The following CNKSR2 variants were observed in gnomAD, a reference collection of about 807,000 sequenced individuals.
CNKSR2 encodes CNK homolog protein 2.
A neutral mutation model predicts 84.4 loss-of-function variants in CNKSR2; 14 were observed. The observed-to-expected ratio is 0.17, with a 90% CI of 0.11 to 0.26. The LOEUF is 0.26. Among genes scored for constraint, CNKSR2 ranks in the 10% least tolerant of loss-of-function variants. The probability of loss-of-function intolerance (pLI) is 1.00; values close to 1 mark genes in which losing one functional copy is unlikely to be tolerated. For missense variants in CNKSR2, 485 were observed against 771.2 expected (o/e 0.63, Z 4.40); for synonymous variants, 275 against 277.9 (o/e 0.99, Z 0.10).
chrX:21,476,404 T>C (rs2091261202), intron 5 of CNKSR2, among the ~76,000 whole-genome samples: 1 of 111,714 alleles, frequency 9.0e-6, no homozygotes, highest in East Asian at 2.8e-4. Context: ...TATAAAAGTA[T>C]GTATTTATTA....
At chrX:21,482,495 T>TGTA (rs1246909136) in intron 5 of CNKSR2, among the ~76,000 whole-genome samples, 1 of 112,434 alleles carries the variant, frequency 8.9e-6, no homozygotes, top group Admixed American at 9.5e-5. Flanking sequence ...ATTAGAAGCT[T>TGTA]GTAGTAACAG....
intron 1 of CNKSR2, among the ~76,000 whole-genome samples, chrX:21,386,375 C>G (rs1334231804): frequency 9.0e-6 from 1 of 111,456 alleles, no homozygotes; most frequent in Non-Finnish European, 1.9e-5. Context: ...TAGTGAATCA[C>G]GAAAGCAATT....
intron 17 of CNKSR2, among the ~76,000 whole-genome samples, chrX:21,598,334 C>T (rs2092461831): frequency 9.0e-6 from 1 of 110,922 alleles, no homozygotes; most frequent in African/African-American, 3.3e-5. Flanking sequence ...CATGTCAGTA[C>T]ACATGTTCTT....
chrX:21,577,951 T>G (rs899559790), intron 13 of CNKSR2, among the ~76,000 whole-genome samples: 1 of 111,400 alleles, frequency 9.0e-6, no homozygotes, highest in Non-Finnish European at 1.9e-5. Context: ...TACTGTTAGA[T>G]TCTAGTTTTT....
intron 17 of CNKSR2, among the ~76,000 whole-genome samples, chrX:21,599,405 A>G: frequency 9.8e-6 from 1 of 102,454 alleles, no homozygotes; most frequent in Admixed American, 1.1e-4. Flanking sequence ...TCGCTCTGTC[A>G]CCCAGGCTGG....
intron 13 of CNKSR2, among the ~76,000 whole-genome samples, chrX:21,589,817 G>T (rs1296262763): frequency 2.7e-5 from 3 of 111,618 alleles, no homozygotes; most frequent in Non-Finnish European, 3.8e-5. Flanking sequence ...AGGAAAGAAA[G>T]AAATACAGGC....
At chrX:21,567,991 C>G (rs761773337) in intron 13 of CNKSR2, among the ~76,000 whole-genome samples, 2 of 112,071 alleles carry the variant, frequency 1.8e-5, no homozygotes, top group Admixed American at 1.9e-4. Context: ...AATTCATATA[C>G]AAAATAATTA....
chrX:21,397,178 C>T (rs2090132453), intron 1 of CNKSR2, among the ~76,000 whole-genome samples: 2 of 111,444 alleles, frequency 1.8e-5, no homozygotes, highest in East Asian at 2.8e-4. Context: ...AGATTGTTAA[C>T]GCAGTCCAGT....
chrX:21,617,086 A>G (rs1210396193), intron 20 of CNKSR2, among the ~76,000 whole-genome samples: 1 of 111,719 alleles, frequency 9.0e-6, no homozygotes, highest in Non-Finnish European at 1.9e-5. Context: ...AGCATAGGTA[A>G]GGCAAGTTAT....
intron 13 of CNKSR2, among the ~76,000 whole-genome samples, chrX:21,587,746 C>T (rs2092397206): frequency 9.0e-6 from 1 of 111,464 alleles, no homozygotes; most frequent in African/African-American, 3.3e-5. Flanking sequence ...TTATTTATGT[C>T]CATTATTTAT....
intron 11 of CNKSR2, among the ~76,000 whole-genome samples, chrX:21,544,430 T>C (rs969242252): frequency 5.4e-5 from 6 of 111,424 alleles, no homozygotes; most frequent in Non-Finnish European, 7.5e-5. Flanking sequence ...AAGTTTTTGA[T>C]TAGTTGCTTA....
Position 21,531,843 on chromosome X carries a change from A to C in CNKSR2, c.1092-13A>C. ...GTTTCTACATCTTCTCCTTTACTCT[A>C]ACCTTTCTTTAGGGATGAAAAAGGA... On this transcript the variant is annotated splice_polypyrimidine_tract_variant and intron_variant, in intron 10 of 21. Transcript: ENST00000379510. 8.6e-7 allele frequency: 1 copy of C among 1,166,752 alleles called. No individual in the cohort carries two copies. Among genetic ancestry groups the C allele is most frequent in the South Asian group, 1.8e-5 (1 of 54,801 alleles).
At chrX:21,430,041 C>A in intron 2 of CNKSR2, among the ~76,000 whole-genome samples, 1 of 111,928 alleles carries the variant, frequency 8.9e-6, no homozygotes, top group Non-Finnish European at 1.9e-5. Context: ...ATTTTTAAAA[C>A]ATGTTTTTAG....
chrX:21,563,466 C>G lies in CNKSR2; in HGVS notation c.1608+14C>G. ...ACACTATACCATGTAAGTAAAATTT[C>G]AAAGACTCTTCAATACAGCTTTTAT... On this transcript the variant is annotated intron_variant, in intron 13 of 21. Coordinates refer to ENST00000379510, the MANE Select transcript of CNKSR2 (RefSeq NM_014927.5). The G allele has an allele frequency of 3.5e-6, 4 of 1,140,490 alleles. No homozygotes were observed. The highest frequency in any genetic ancestry group is 4.8e-6 in the Non-Finnish European group (4 of 836,430). The allele number at this position is 1,140,490 out of a possible 1,213,427, so 94.0% of individuals were successfully genotyped here.
intron 13 of CNKSR2, among the ~76,000 whole-genome samples, chrX:21,583,222 A>G (rs757091028): frequency 1.8e-5 from 2 of 111,529 alleles, no homozygotes; most frequent in Non-Finnish European, 3.8e-5. Flanking sequence ...GCAGTGCCAC[A>G]TCCTTCACCC....
chrX:21,486,741 T>C (rs1194780471), intron 5 of CNKSR2, among the ~76,000 whole-genome samples: 1 of 112,018 alleles, frequency 8.9e-6, no homozygotes, highest in Non-Finnish European at 1.9e-5. Flanking sequence ...AGAATATGCT[T>C]AGGTAGTAAT....
At chrX:21,608,391 G>A (rs925344592) in intron 19 of CNKSR2, among the ~76,000 whole-genome samples, 1 of 111,678 alleles carries the variant, frequency 9.0e-6, no homozygotes, top group African/African-American at 3.3e-5. Context: ...GTTATGTTTT[G>A]TGCTATAACA....
chrX:21,568,647 AT>A (rs947162030), intron 13 of CNKSR2, among the ~76,000 whole-genome samples: 10 of 109,029 alleles, frequency 9.2e-5, no homozygotes, highest in Admixed American at 1.9e-4. Flanking sequence ...AAACATTTTT[AT>A]TTTTTTTTAA....
At chrX:21,533,299 A>T (rs765655478) in intron 11 of CNKSR2, among the ~76,000 whole-genome samples, 1 of 109,860 alleles carries the variant, frequency 9.1e-6, no homozygotes, top group Non-Finnish European at 1.9e-5. Flanking sequence ...AATCTTTGCT[A>T]TCCCTACCCT....
Sources: allele counts gnomAD v4.1 joint callset (sites outside exome capture counted in the v4.1 genomes callset), GRCh38; gene constraint gnomAD v4.1.1; transcripts MANE v1.5; gene names NCBI Gene and HGNC (gene_info 2026-07-23, HGNC 2026-07-21).